Variants in ARHGAP42 observed in about 807,000 individuals in gnomAD.
The protein encoded by ARHGAP42 is Rho GTPase activating protein 42.
ARHGAP42 carries 63 observed loss-of-function variants against 125.0 expected under a neutral mutation model. The observed-to-expected ratio is 0.50, with a 90% CI of 0.41 to 0.62. The LOEUF is 0.62. ARHGAP42 is among the 20% of genes least tolerant of loss of function. The pLI is 0.00. For missense variants in ARHGAP42, 766 were observed against 1,024.2 expected (o/e 0.75, Z 3.44); for synonymous variants, 339 against 351.0 (o/e 0.97, Z 0.38).
At chr11:100,704,938 A>G (rs1454526891) in intron 1 of ARHGAP42, among the ~76,000 whole-genome samples, 1 of 144,074 alleles carries the variant, frequency 6.9e-6, no homozygotes, top group Non-Finnish European at 1.5e-5. Flanking sequence ...TGTTCAAGCC[A>G]CTGCACCACA....
chr11:100,901,007 T>G (rs1486429592), intron 4 of ARHGAP42, among the ~76,000 whole-genome samples: 3 of 152,182 alleles, frequency 2.0e-5, no homozygotes, highest in African/African-American at 7.2e-5. Context: ...CTGCTCTGAT[T>G]TTTCCCCATC....
intron 4 of ARHGAP42, among the ~76,000 whole-genome samples, chr11:100,871,336 A>C (rs1865689594): frequency 6.6e-6 from 1 of 152,004 alleles, no homozygotes; most frequent in South Asian, 2.1e-4. Context: ...ACTTGAGGTC[A>C]GGAGTTCGAG....
intron 4 of ARHGAP42, among the ~76,000 whole-genome samples, chr11:100,907,154 A>G (rs1173804780): frequency 6.6e-6 from 1 of 152,214 alleles, no homozygotes; most frequent in Non-Finnish European, 1.5e-5. Context: ...GGCATCATTC[A>G]ACTTTCTAAC....
intron 4 of ARHGAP42, chr11:100,859,863 A>G (rs1406187447): frequency 6.3e-6 from 2 of 318,234 alleles, no homozygotes; most frequent in Non-Finnish European, 1.1e-5. Flanking sequence ...CCCAAAAATT[A>G]TAGGAAATTA....
rs981924717 is a variant in ARHGAP42 at position 100,687,642 on chromosome 11, G to T, written c.-37G>T. 21 of 1,397,594 alleles carry T rather than the reference G, an allele frequency of 1.5e-5. No individual in the cohort carries two copies. The East Asian group carries it at 3.1e-4, about 21-fold the overall frequency. 86.6% of individuals were successfully genotyped at this position (1,397,594 alleles called of 1,614,324 possible). On this transcript the variant is annotated 5_prime_UTR_variant, in exon 1 of 24. Transcript: ENST00000298815. ...CTGCCCCCGCCCTGACCTCCGGCCC[G>T]GACGTGTCCGCGGCCGCCGCTGGCA...
chr11:100,976,409 T>A lies in ARHGAP42; in HGVS notation c.2208T>A (p.Ser736=). Residue 736 remains serine (S), a synonymous_variant, in exon 20 of 24, where the codon TCT becomes TCA. Transcript: ENST00000298815. ...CAGGACTGAAAAGAGCTTCTGCTTC[T>A]TCTCTCAGATCCATCTCTGCAGCTG... ...GLSGLKRASA[S]SLRSISAAEG... 3 of 1,538,332 alleles carry A rather than the reference T, an allele frequency of 2.0e-6. No individual in the cohort carries two copies. Among genetic ancestry groups the A allele is most frequent in the Non-Finnish European group, 2.6e-6 (3 of 1,142,960 alleles).
chr11:100,743,529 A>C (rs778056857), intron 1 of ARHGAP42, among the ~76,000 whole-genome samples: 4 of 152,170 alleles, frequency 2.6e-5, no homozygotes, highest in Non-Finnish European at 5.9e-5. Flanking sequence ...TATGTAGCCC[A>C]ATGACTATAT....
intron 1 of ARHGAP42, among the ~76,000 whole-genome samples, chr11:100,737,871 G>T (rs1164768583): frequency 6.6e-6 from 1 of 152,174 alleles, no homozygotes; most frequent in Non-Finnish European, 1.5e-5. Flanking sequence ...TTAGTTGCTT[G>T]CCTATTGCTC....
At chr11:100,841,696 T>TA (rs1420694934) in intron 3 of ARHGAP42, among the ~76,000 whole-genome samples, 2 of 152,136 alleles carry the variant, frequency 1.3e-5, no homozygotes, top group Admixed American at 6.6e-5. Flanking sequence ...CAATATGTCT[T>TA]ACGGCATTGG....
intron 9 of ARHGAP42, 60 bp downstream of exon 9, chr11:100,941,944 T>A: frequency 1.6e-6 from 2 of 1,218,724 alleles, no homozygotes; most frequent in Admixed American, 2.8e-5. Flanking sequence ...GTAATGGAAT[T>A]AAAACAAAAA....
intron 4 of ARHGAP42, among the ~76,000 whole-genome samples, chr11:100,895,287 C>A (rs1866323644): frequency 6.6e-6 from 1 of 152,086 alleles, no homozygotes; most frequent in African/African-American, 2.4e-5. Flanking sequence ...TGTTAGCTCA[C>A]AGCTTAGTCT....
intron 22 of ARHGAP42, among the ~76,000 whole-genome samples, 165 bp from the exon 23 acceptor site, chr11:100,987,348 A>AT (rs1858707939): frequency 6.6e-6 from 1 of 152,194 alleles, no homozygotes; most frequent in Non-Finnish European, 1.5e-5. Flanking sequence ...TGGTAATATG[A>AT]TTGTGTTCAG....
intron 4 of ARHGAP42, among the ~76,000 whole-genome samples, chr11:100,882,500 T>C (rs1274338739): frequency 7.2e-6 from 1 of 138,776 alleles, no homozygotes; most frequent in South Asian, 2.2e-4. Context: ...TTAGCCAGTA[T>C]TTTTTTTTTT....
intron 8 of ARHGAP42, among the ~76,000 whole-genome samples, chr11:100,938,039 C>G (rs1377288148): frequency 7.0e-6 from 1 of 143,332 alleles, no homozygotes; most frequent in African/African-American, 2.6e-5. Context: ...CTTTGTGGTA[C>G]TGACCTCTTC....
intron 1 of ARHGAP42, among the ~76,000 whole-genome samples, chr11:100,696,138 C>T (rs898770821): frequency 1.3e-5 from 2 of 151,872 alleles, no homozygotes; most frequent in African/African-American, 2.4e-5. Flanking sequence ...GTGGGAAGAG[C>T]GATTGAAGAT....
intron 19 of ARHGAP42, among the ~76,000 whole-genome samples, chr11:100,975,099 C>T (rs557810720): frequency 1.1e-3 from 163 of 152,288 alleles, no homozygotes; most frequent in Middle Eastern, 3.4e-3. Context: ...CACCATGGCA[C>T]ACATTAAACT....
chr11:100,714,391 G>A (rs1424256255), intron 1 of ARHGAP42, among the ~76,000 whole-genome samples: 1 of 13,056 alleles, frequency 7.7e-5, no homozygotes, highest in Non-Finnish European at 1.7e-4. Context: ...ATAAAAATTT[G>A]TGTGTGTGTG....
intron 4 of ARHGAP42, among the ~76,000 whole-genome samples, chr11:100,861,785 A>T (rs1865450957): frequency 6.6e-6 from 1 of 152,232 alleles, no homozygotes; most frequent in Admixed American, 6.5e-5. Flanking sequence ...CCTCTGAGAC[A>T]TCCATGTGAT....
intron 1 of ARHGAP42, among the ~76,000 whole-genome samples, chr11:100,700,224 C>T (rs1269019139): frequency 1.3e-5 from 2 of 152,164 alleles, no homozygotes; most frequent in Non-Finnish European, 2.9e-5. Context: ...AATTACAGGA[C>T]ACTTCTTTGC....
Sources: gnomAD v4.1 joint callset for allele counts (sites outside exome capture counted in the v4.1 genomes callset) on GRCh38, gnomAD v4.1.1 for gene constraint, MANE v1.5 for transcripts, NCBI Gene and HGNC (gene_info 2026-07-23, HGNC 2026-07-21) for gene names.